Variants in TBC1D22A observed in about 807,000 individuals in gnomAD.
TBC1D22A encodes the protein putative GTPase activator.
Under a neutral mutation model 60.2 loss-of-function variants are expected in TBC1D22A, and 38 were observed. The ratio of observed to expected loss-of-function variants is 0.63; its 90% CI spans 0.49 to 0.83. The LOEUF (loss-of-function observed/expected upper bound fraction) is 0.83. TBC1D22A is among the 40% of genes least tolerant of loss of function. The pLI is 0.00. For synonymous variants in TBC1D22A, 302 were observed against 281.7 expected (o/e 1.07, Z -0.72); for missense variants, 628 against 701.0 (o/e 0.90, Z 1.18).
chr22:47,006,796 T>C (rs960949742), intron 10 of TBC1D22A, among the ~76,000 whole-genome samples: 1 of 152,216 alleles, frequency 6.6e-6, no homozygotes, highest in African/African-American at 2.4e-5. Flanking sequence ...TTCCTTTGTC[T>C]AAAACCCTTT....
intron 11 of TBC1D22A, among the ~76,000 whole-genome samples, chr22:47,092,193 G>A (rs77888686): frequency 0.053 from 8,030 of 152,258 alleles, 286 homozygotes; most frequent in Admixed American, 0.12. Context: ...GGAGCAGGGC[G>A]CCTTACCCTG....
intron 11 of TBC1D22A, among the ~76,000 whole-genome samples, chr22:47,082,761 A>G (rs1232915660): frequency 6.6e-6 from 1 of 152,264 alleles, no homozygotes; most frequent in Non-Finnish European, 1.5e-5. Flanking sequence ...CTCAGCCAGA[A>G]GCCCCAGGCA....
chr22:47,101,566 C>T (rs1215602918), intron 11 of TBC1D22A, among the ~76,000 whole-genome samples: 1 of 152,252 alleles, frequency 6.6e-6, no homozygotes, highest in Non-Finnish European at 1.5e-5. Context: ...GTTTCCCCAG[C>T]ATCCTCGGTA....
intron 11 of TBC1D22A, among the ~76,000 whole-genome samples, chr22:47,086,342 C>G (rs1204060465): frequency 1.3e-5 from 2 of 152,176 alleles, no homozygotes; most frequent in Non-Finnish European, 2.9e-5. Flanking sequence ...GTAATCCCAG[C>G]TAGTCAGGAG....
chr22:47,058,339 C>G (rs915387264), intron 11 of TBC1D22A, among the ~76,000 whole-genome samples: 2 of 152,128 alleles, frequency 1.3e-5, no homozygotes, highest in Non-Finnish European at 2.9e-5. Context: ...TCCCTGCCCC[C>G]CAGCTTATGA....
At chr22:47,049,024 C>T (rs1333759383) in intron 11 of TBC1D22A, among the ~76,000 whole-genome samples, 1 of 152,208 alleles carries the variant, frequency 6.6e-6, no homozygotes, top group Non-Finnish European at 1.5e-5. Flanking sequence ...TCCTGTGTCC[C>T]CAGCATGGAG....
intron 7 of TBC1D22A, among the ~76,000 whole-genome samples, chr22:46,895,259 C>T (rs1043264270): frequency 2.6e-5 from 4 of 151,788 alleles, no homozygotes; most frequent in Admixed American, 6.6e-5. Context: ...TTTATGTTTA[C>T]GATTCTTTGT....
chr22:47,001,831 TAAA>T (rs2061420084), intron 10 of TBC1D22A, among the ~76,000 whole-genome samples: 1 of 152,252 alleles, frequency 6.6e-6, no homozygotes, highest in African/African-American at 2.4e-5. Flanking sequence ...AACTAAAAGT[TAAA>T]TATAAGTCTT....
At chr22:46,967,776 G>C (rs962482268) in intron 8 of TBC1D22A, among the ~76,000 whole-genome samples, 1 of 151,900 alleles carries the variant, frequency 6.6e-6, no homozygotes, top group African/African-American at 2.4e-5. Flanking sequence ...GAACCCCCTG[G>C]TAATTACAAG....
At chr22:47,056,230 T>C (rs934828780) in intron 11 of TBC1D22A, among the ~76,000 whole-genome samples, 7 of 152,020 alleles carry the variant, frequency 4.6e-5, no homozygotes, top group African/African-American at 1.7e-4. Flanking sequence ...TGTAGACTGC[T>C]CGCCTTCCTC....
chr22:46,880,962 T>TG (rs1407120586), intron 5 of TBC1D22A, among the ~76,000 whole-genome samples: 1 of 152,038 alleles, frequency 6.6e-6, no homozygotes, highest in Non-Finnish European at 1.5e-5. Flanking sequence ...TAAGGCTTCT[T>TG]GGGGAAGGTG....
intron 10 of TBC1D22A, among the ~76,000 whole-genome samples, chr22:47,019,468 G>C (rs2062008960): frequency 6.6e-6 from 1 of 152,220 alleles, no homozygotes; most frequent in South Asian, 2.1e-4. Context: ...GAAGGACTGA[G>C]TTGAAGAAGT....
At chr22:46,967,327 A>G (rs761280417) in intron 8 of TBC1D22A, among the ~76,000 whole-genome samples, 11 of 152,338 alleles carry the variant, frequency 7.2e-5, no homozygotes, top group Admixed American at 2.6e-4. Context: ...TGGAACCCAA[A>G]TGTACTTAAT....
chr22:47,152,438 C>T (rs909255687), intron 12 of TBC1D22A, among the ~76,000 whole-genome samples: 23 of 152,130 alleles, frequency 1.5e-4, no homozygotes, highest in African/African-American at 2.2e-4. Flanking sequence ...TGGCGGGCGT[C>T]GGTGGCTGGT....
At chr22:47,100,257 G>C (rs540144466) in intron 11 of TBC1D22A, among the ~76,000 whole-genome samples, 2 of 151,918 alleles carry the variant, frequency 1.3e-5, no homozygotes, top group East Asian at 3.9e-4. Context: ...GAGTGCAAGG[G>C]TGAGGCCTCA....
intron 9 of TBC1D22A, among the ~76,000 whole-genome samples, chr22:46,974,843 C>T (rs929149563): frequency 1.3e-5 from 2 of 152,194 alleles, no homozygotes; most frequent in East Asian, 1.9e-4. Context: ...GCTCCAGGTG[C>T]GTGGGGCGCT....
Position 46,891,258 on chromosome 22 carries a change from T to C in TBC1D22A, c.709-8T>C, listed in dbSNP as rs1204777676. 6.3e-7 allele frequency: 1 copy of C among 1,596,638 alleles called. No individual in the cohort carries two copies. The highest frequency in any genetic ancestry group is 1.1e-5 in the South Asian group (1 of 87,704). On this transcript the variant is annotated splice_polypyrimidine_tract_variant and splice_region_variant and intron_variant, in intron 5 of 12. Transcript: ENST00000337137. ...ACCATGTATATTTTTTGTTTATTTC[T>C]CACCCAGGGTTACCTTCCCGCCAAT... is the stretch of plus-strand genomic sequence containing the variant.
chr22:46,890,405 A>G (rs2068335270), intron 5 of TBC1D22A, among the ~76,000 whole-genome samples: 1 of 152,172 alleles, frequency 6.6e-6, no homozygotes, highest in Non-Finnish European at 1.5e-5. Flanking sequence ...AAAACAACAC[A>G]GTATAACAAT....
chr22:46,903,075 G>A (rs966583233), intron 7 of TBC1D22A, among the ~76,000 whole-genome samples: 2 of 152,164 alleles, frequency 1.3e-5, no homozygotes, highest in African/African-American at 4.8e-5. Context: ...CTATTTCCTG[G>A]CCCGGTTGGG....
Sources: allele counts gnomAD v4.1 joint callset (sites outside exome capture counted in the v4.1 genomes callset), GRCh38; gene constraint gnomAD v4.1.1; transcripts MANE v1.5; gene names NCBI Gene and HGNC (gene_info 2026-07-23, HGNC 2026-07-21).